The following PTCH1 variants were observed in gnomAD, a reference collection of about 807,000 sequenced individuals.
PTCH1 encodes protein patched homolog 1.
In PTCH1, 14 loss-of-function variants were observed where a neutral mutation model predicts 144.6. That is an observed-to-expected ratio of 0.10 (90% CI 0.06 to 0.15). The LOEUF is 0.15. PTCH1 is among the 10% of genes least tolerant of loss of function. The probability of loss-of-function intolerance (pLI) is 1.00; values close to 1 mark genes in which losing one functional copy is unlikely to be tolerated. For synonymous variants in PTCH1, 833 were observed against 793.6 expected (o/e 1.05, Z -0.83); for missense variants, 1,623 against 1,948.3 (o/e 0.83, Z 3.14).
Position 95,458,043 on chromosome 9 carries a change from G to A in PTCH1, c.3138C>T (p.Phe1046=). ...TCCCGGCCGTCCAGGGGTTCAGAAG[G>A]AAGACAGCGCACACGAGGAATGTGC... is the stretch of plus-strand genomic sequence containing the variant. ...LACTFLVCAV[F]LLNPWTAGII... Residue 1046 remains phenylalanine (F), a synonymous_variant, in exon 18 of 24, where the codon TTC becomes TTT. Coordinates refer to ENST00000331920, the MANE Select transcript of PTCH1 (RefSeq NM_000264.5). This position sits in a 1 kb window ranked among gnomAD's most constrained non-coding sequence, Gnocchi z 4.7. 6.2e-7 allele frequency: 1 copy of A among 1,614,170 alleles called. No homozygotes were observed. The highest frequency in any genetic ancestry group is 1.1e-5 in the South Asian group (1 of 91,084).
chr9:95,515,514 GCATCATTTTAAA>G (rs1844322879), intron 1 of PTCH1, among the ~76,000 whole-genome samples: 1 of 152,204 alleles, frequency 6.6e-6, no homozygotes, highest in Non-Finnish European at 1.5e-5. Context: ...CCACACGCTA[GCATCATTTTAAA>G]CATGAACGTA....
chr9:95,494,245 C>T, intron 2 of PTCH1: 3 of 985,582 alleles, frequency 3.0e-6, no homozygotes, highest in Non-Finnish European at 3.6e-6. Flanking sequence ...CTCTGAATGG[C>T]TTTCCCTGAC....
chr9:95,469,704 A>T, intron 13 of PTCH1, 109 bp downstream of exon 13: 1 of 1,115,650 alleles, frequency 9.0e-7, no homozygotes, highest in Non-Finnish European at 1.4e-6. Flanking sequence ...TCTCCACACC[A>T]GCACAAACCC....
intron 2 of PTCH1, 189 bp downstream of exon 2, chr9:95,506,218 A>AAG (rs1843612147): frequency 1.6e-6 from 1 of 617,696 alleles, no homozygotes; most frequent in Non-Finnish European, 2.7e-6. Flanking sequence ...CCCCGAGTAG[A>AAG]TTACAGCGCG....
rs1232181848 is a variant in PTCH1, at chr9:95,507,915, C to A, written c.201+246G>T. 4.3e-6 allele frequency: 6 copies of A among 1,388,430 alleles called. No homozygotes were observed. The African/African-American group carries it at 7.3e-5, about 17-fold the overall frequency. The allele number at this position is 1,388,430 out of a possible 1,614,324, so 86.0% of individuals were successfully genotyped here. On this transcript the variant is annotated intron_variant, in intron 1 of 23. Coordinates refer to ENST00000331920, the MANE Select transcript of PTCH1 (RefSeq NM_000264.5). ...GGGAGGGCGTGTGTATACACACACA[C>A]ACACGCACACACACACACCTCCACC...
At chr9:95,514,132 G>T (rs1268800506), upstream of PTCH1, 1 of 152,200 alleles carries the variant, frequency 6.6e-6, no homozygotes, top group East Asian at 1.9e-4. Flanking sequence ...GTATTCTCTT[G>T]CTAAGCATGT....
chr9:95,465,539 C>T (rs551282646), intron 15 of PTCH1, among the ~76,000 whole-genome samples: 40 of 152,264 alleles, frequency 2.6e-4, no homozygotes, highest in Non-Finnish European at 3.1e-4. Flanking sequence ...TACCTTCCTC[C>T]AAAAGGAAAG....
chr9:95,511,717 T>C (rs1177983055), upstream of PTCH1, among the ~76,000 whole-genome samples: 1 of 152,230 alleles, frequency 6.6e-6, no homozygotes, highest in Non-Finnish European at 1.5e-5. Flanking sequence ...TTATTAGGTT[T>C]GATAAATAGC....
chr9:95,506,297 G>A (rs1039997909), intron 2 of PTCH1, 110 bp downstream of exon 2: 14 of 1,280,728 alleles, frequency 1.1e-5, no homozygotes, highest in Middle Eastern at 2.7e-4. Flanking sequence ...GGTGCGGGCA[G>A]GGGGTTTCGC....
intron 15 of PTCH1, 53 bp downstream of exon 15, chr9:95,467,063 G>T (rs2117938150): frequency 6.4e-7 from 1 of 1,567,392 alleles, no homozygotes; most frequent in African/African-American, 1.4e-5. Context: ...GGAACCTGTT[G>T]AAGCTGAACA....
At chr9:95,461,822 T>G in intron 16 of PTCH1, 34 bp downstream of exon 16, 1 of 1,613,394 alleles carries the variant, frequency 6.2e-7, no homozygotes, top group Non-Finnish European at 8.5e-7. Flanking sequence ...CCCGCAGCCC[T>G]GGAAGCGCCC....
chr9:95,507,952 TCAGA>T (rs1384725357), intron 1 of PTCH1: 19 of 1,464,306 alleles, frequency 1.3e-5, no homozygotes, highest in Middle Eastern at 2.4e-4. Flanking sequence ...CCTGCGGACC[TCAGA>T]CAGCCCTTTC....
chr9:95,505,640 T>C (rs949697533), intron 2 of PTCH1, among the ~76,000 whole-genome samples: 7 of 152,172 alleles, frequency 4.6e-5, no homozygotes, highest in African/African-American at 1.7e-4. Context: ...TTTCTTTTCT[T>C]TGCCTGCAAA....
Position 95,445,644 on chromosome 9 carries a change from G to GAAGT in PTCH1, c.*748_*749insACTT, listed in dbSNP as rs147342582. On this transcript the variant is annotated 3_prime_UTR_variant, in exon 24 of 24. Coordinates refer to ENST00000331920, the MANE Select transcript of PTCH1 (RefSeq NM_000264.5). Reference sequence around the variant, plus strand: ...GTTTAGGGCCAGCCCTCACCAGCACGAAGAAAAGATATCCTGACGCTTCCA... The same window carrying GAAGT: ...GTTTAGGGCCAGCCCTCACCAGCACGAAGTAAGAAAAGATATCCTGACGCTTCCA... The GAAGT allele has an allele frequency of 0.057, 8,710 of 152,400 alleles. 321 individuals carry two copies. Among genetic ancestry groups the GAAGT allele is most frequent in the East Asian group, 0.1 (534 of 5,178 alleles). The allele number at this position is 152,400 out of a possible 1,614,324, so 9.4% of individuals were successfully genotyped here. A position where few individuals can be genotyped will look rare whatever the true frequency, so the allele number is the denominator to read the frequency against.
chr9:95,481,280 C>T (rs566227120), intron 5 of PTCH1, among the ~76,000 whole-genome samples: 1 of 152,196 alleles, frequency 6.6e-6, no homozygotes, highest in African/African-American at 2.4e-5. Flanking sequence ...AAACTGTACA[C>T]TGAAGGTCAG....
intron 15 of PTCH1, among the ~76,000 whole-genome samples, chr9:95,466,854 C>T (rs1289913232): frequency 1.3e-5 from 2 of 152,214 alleles, no homozygotes; most frequent in Non-Finnish European, 2.9e-5. Flanking sequence ...CCTGTTACAA[C>T]ATGCTCCCCT....
chr9:95,462,020 A>G, intron 15 of PTCH1, 22 bp from the exon 16 acceptor site: 1 of 1,614,144 alleles, frequency 6.2e-7, no homozygotes, highest in Non-Finnish European at 8.5e-7. Flanking sequence ...AAATGATTGT[A>G]ACACATTATA....
At chr9:95,472,105 C>CA (rs113161410) in intron 12 of PTCH1, among the ~76,000 whole-genome samples, 1,796 of 151,806 alleles carry the variant, frequency 0.012, 28 homozygotes, top group East Asian at 0.031. Context: ...GAAAAAAACA[C>CA]AGAGTGTGCA....
At chr9:95,514,647 T>TGTGTGTGTGTGTGAGA (rs56689083) in intron 1 of PTCH1, 3 of 148,802 alleles carry the variant, frequency 2.0e-5, no homozygotes, top group African/African-American at 7.5e-5. Flanking sequence ...TGTGTGTGTG[T>TGTGTGTGTGTGTGAGA]GAGAGAGAGA....
Sources: allele counts gnomAD v4.1 joint callset (sites outside exome capture counted in the v4.1 genomes callset), GRCh38; gene constraint gnomAD v4.1.1; non-coding constraint Gnocchi (gnomAD v3.1); transcripts MANE v1.5; gene names NCBI Gene and HGNC (gene_info 2026-07-23, HGNC 2026-07-21).